PCDH15: variants seen among roughly 807,000 people sequenced by gnomAD.
PCDH15 encodes protocadherin-15.
A neutral mutation model predicts 178.5 loss-of-function variants in PCDH15; 129 were observed. The observed-to-expected ratio is 0.72, with a 90% CI of 0.63 to 0.84. The LOEUF (loss-of-function observed/expected upper bound fraction) is 0.84, where lower values mean the gene tolerates loss of function less well. PCDH15 is among the 40% of genes least tolerant of loss of function. The probability of loss-of-function intolerance (pLI) is 0.00; values close to 1 mark genes in which losing one functional copy is unlikely to be tolerated. For missense variants in PCDH15, 2,230 were observed against 2,099.9 expected (o/e 1.06, Z -1.21); for synonymous variants, 800 against 732.0 (o/e 1.09, Z -1.50).
At chr10:54,575,412 A>AT in intron 2 of PCDH15, 1 of 153,078 alleles carries the variant, frequency 6.5e-6, no homozygotes, top group African/African-American at 2.4e-5. Context: ...AAGTTATTTT[A>AT]TTAAAAATAA....
chr10:53,855,539 A>G (rs2078664965), intron 28 of PCDH15, among the ~76,000 whole-genome samples: 1 of 152,008 alleles, frequency 6.6e-6, no homozygotes, highest in African/African-American at 2.4e-5. Flanking sequence ...TCCTGAAATA[A>G]TTGTTATGAA....
intron 1 of PCDH15, among the ~76,000 whole-genome samples, chr10:55,312,421 T>G (rs991388766): frequency 1.1e-4 from 16 of 152,154 alleles, no homozygotes; most frequent in African/African-American, 3.9e-4. Flanking sequence ...CATCTGTTAG[T>G]ATGAACATAA....
At chr10:55,447,919 A>T (rs1839353251) in intron 2 of PCDH15, among the ~76,000 whole-genome samples, 1 of 151,946 alleles carries the variant, frequency 6.6e-6, no homozygotes, top group Admixed American at 6.6e-5. Context: ...AATAATATCA[A>T]CCATTGAAAA....
intron 1 of PCDH15, among the ~76,000 whole-genome samples, chr10:54,748,067 A>T (rs527340659): frequency 6.6e-6 from 1 of 152,084 alleles, no homozygotes; most frequent in African/African-American, 2.4e-5. Context: ...CGCCTCCCAA[A>T]GTGCTGGAAT....
intron 2 of PCDH15, among the ~76,000 whole-genome samples, chr10:54,655,296 G>GAGAGAGAGAC (rs1565866388): frequency 2.5e-5 from 3 of 120,128 alleles, no homozygotes; most frequent in Admixed American, 8.0e-5. Context: ...GAGAGAGAGA[G>GAGAGAGAGAC]AGAGAGACAG....
chr10:55,345,608 A>AT (rs1377714647), intron 2 of PCDH15, among the ~76,000 whole-genome samples: 2 of 151,970 alleles, frequency 1.3e-5, no homozygotes, highest in Non-Finnish European at 2.9e-5. Context: ...GAAAAATCAA[A>AT]TTTTTTCAAT....
intron 2 of PCDH15, among the ~76,000 whole-genome samples, chr10:54,543,081 C>T (rs61853618): frequency 0.046 from 7,060 of 152,154 alleles, 215 homozygotes; most frequent in Non-Finnish European, 0.066. Context: ...GAGTTTGGTC[C>T]GGGGAAGTTG....
At chr10:55,182,059 A>G (rs949483676) in intron 1 of PCDH15, among the ~76,000 whole-genome samples, 7 of 151,942 alleles carry the variant, frequency 4.6e-5, no homozygotes, top group African/African-American at 1.7e-4. Context: ...CAGCAAACAT[A>G]ATAAAAGAGA....
chr10:53,861,423 A>C (rs1174177974), intron 27 of PCDH15, among the ~76,000 whole-genome samples: 1 of 152,182 alleles, frequency 6.6e-6, no homozygotes, highest in Non-Finnish European at 1.5e-5. Flanking sequence ...AAATTAAAAA[A>C]GCAATGGTTG....
At chr10:55,552,214 A>G (rs191946204) in intron 2 of PCDH15, among the ~76,000 whole-genome samples, 61 of 151,786 alleles carry the variant, frequency 4.0e-4, no homozygotes, top group African/African-American at 1.5e-3. Context: ...ATATAACAAT[A>G]TATCAATTTT....
chr10:54,427,173 AGTTT>A (rs1956363586), intron 3 of PCDH15, among the ~76,000 whole-genome samples: 1 of 149,808 alleles, frequency 6.7e-6, no homozygotes, highest in Admixed American at 6.7e-5. Flanking sequence ...ACAGCTATCA[AGTTT>A]GTTTGTGTTT....
intron 6 of PCDH15, among the ~76,000 whole-genome samples, chr10:54,339,918 A>G (rs1312741546): frequency 6.6e-6 from 1 of 152,066 alleles, no homozygotes; most frequent in Non-Finnish European, 1.5e-5. Flanking sequence ...AGTGACCCTG[A>G]CCCTGCTCCT....
intron 35 of PCDH15, among the ~76,000 whole-genome samples, chr10:53,814,982 T>A (rs1387565521): frequency 3.5e-4 from 45 of 129,612 alleles, no homozygotes; most frequent in Middle Eastern, 4.3e-3. Context: ...AAAAAAAAAA[T>A]CGAGTAAGGA....
At chr10:53,920,879 TAAAG>T (rs2083940625) in intron 25 of PCDH15, among the ~76,000 whole-genome samples, 2 of 151,818 alleles carry the variant, frequency 1.3e-5, no homozygotes, top group African/African-American at 4.9e-5. Flanking sequence ...AAGCAATGAA[TAAAG>T]AGAGAAGTGG....
rs538604534 is a variant in PCDH15, at chr10:54,369,158, T to A, written c.436A>T (p.Thr146Ser). 1.2e-6 allele frequency: 2 copies of A among 1,613,052 alleles called. No individual in the cohort carries two copies. Among genetic ancestry groups the A allele is most frequent in the Non-Finnish European group, 1.7e-6 (2 of 1,179,386 alleles). ...GCATAGTAGCTTTCATGCTTGAAAG[T>A]GGGTGAGTTGTCATTCCTGTCTCTC... is the stretch of plus-strand genomic sequence containing the variant. ...VVRDRNDNSPTFKHESYYATV... is the reference protein window; with the variant it reads ...VVRDRNDNSPSFKHESYYATV... The change falls in exon 5 of 38, where the codon ACT becomes TCT. Residue 146 changes from threonine (T) to serine (S), a missense_variant. Transcript: ENST00000644397.
chr10:54,208,491 A>G (rs1262119670), intron 10 of PCDH15, among the ~76,000 whole-genome samples: 1 of 151,992 alleles, frequency 6.6e-6, no homozygotes, highest in African/African-American at 2.4e-5. Flanking sequence ...GGTACCCCAG[A>G]AAGCTCTCTC....
At chr10:55,512,607 C>T (rs543750093) in intron 2 of PCDH15, among the ~76,000 whole-genome samples, 1 of 151,946 alleles carries the variant, frequency 6.6e-6, no homozygotes, top group Non-Finnish European at 1.5e-5. Context: ...CCACAGAGAG[C>T]CTTTTATTTT....
chr10:54,594,755 G>T (rs993912673), intron 2 of PCDH15, among the ~76,000 whole-genome samples: 3 of 152,150 alleles, frequency 2.0e-5, no homozygotes, highest in Non-Finnish European at 4.4e-5. Context: ...CACTATTGCT[G>T]GCTTGAGTGT....
At chr10:54,855,538 G>T (rs1953725609) in intron 3 of PCDH15, among the ~76,000 whole-genome samples, 1 of 152,140 alleles carries the variant, frequency 6.6e-6, no homozygotes, top group African/African-American at 2.4e-5. Flanking sequence ...AGCATGATAG[G>T]CTCAAATAAG....
Sources: gnomAD v4.1 joint callset for allele counts (sites outside exome capture counted in the v4.1 genomes callset) on GRCh38, gnomAD v4.1.1 for gene constraint, MANE v1.5 for transcripts, NCBI Gene and HGNC (gene_info 2026-07-23, HGNC 2026-07-21) for gene names.